The following PYROXD2 variants were observed in gnomAD, a reference collection of about 807,000 sequenced individuals.
PYROXD2 encodes pyridine nucleotide-disulfide oxidoreductase domain-containing protein 2.
PYROXD2 carries 69 observed loss-of-function variants against 71.1 expected under a neutral mutation model. The ratio of observed to expected loss-of-function variants is 0.97; its 90% CI spans 0.80 to 1.19. PYROXD2 has a LOEUF of 1.19. Ranked by LOEUF, PYROXD2 falls within the 50% of genes most tolerant of loss-of-function variation. The pLI is 0.00. For synonymous variants in PYROXD2, 287 were observed against 302.7 expected, an observed-to-expected ratio of 0.95 and a Z score of 0.54; for missense variants, 745 against 748.9, an observed-to-expected ratio of 0.99 and a Z score of 0.06.
At chr10:98,413,424 T>G (rs1287825424) in intron 1 of PYROXD2, among the ~76,000 whole-genome samples, 1 of 152,214 alleles carries the variant, frequency 6.6e-6, no homozygotes, top group Non-Finnish European at 1.5e-5. Context: ...TCCTGTCATT[T>G]AAAGAAGGAG....
intron 2 of PYROXD2, among the ~76,000 whole-genome samples, chr10:98,409,637 G>A (rs996506831): frequency 6.6e-6 from 1 of 152,214 alleles, no homozygotes; most frequent in Non-Finnish European, 1.5e-5. Flanking sequence ...GCATGTGCCA[G>A]GTCCTAGCAG....
rs975493639 is a variant in PYROXD2, at chr10:98,392,365, A to C, written c.1062+67T>G. On this transcript the variant is annotated intron_variant, in intron 10 of 15. Coordinates refer to ENST00000370575, the MANE Select transcript of PYROXD2 (RefSeq NM_032709.3). ...CCCTGATGCAATCCTGGCTCCCTCA[A>C]TCCCCACGATTTCTAACCCCTGTTT... 1.4e-4 allele frequency: 228 copies of C among 1,576,470 alleles called. No individual in the cohort carries two copies. In the Middle Eastern group the frequency reaches 2.0e-3, roughly 14 times the overall value.
rs1477793132 is a variant in PYROXD2 at position 98,387,307 on chromosome 10, A to G, written c.1448T>C (p.Val483Ala). The change falls in exon 14 of 16, where the codon GTG (valine) becomes GCG (alanine). Residue 483 changes from valine to alanine, a missense_variant and splice_region_variant. By Grantham distance (64) the Val-to-Ala change is moderately conservative. Coordinates refer to ENST00000370575, the MANE Select transcript of PYROXD2 (RefSeq NM_032709.3). ...GGCATAGACCTCGATGCAATCAAACACTGGGGTGCCAAAAACAGAGAAATG... is the reference window on the plus strand; with the variant it reads ...GGCATAGACCTCGATGCAATCAAACGCTGGGGTGCCAAAAACAGAGAAATG... Reference protein sequence around the residue: ...EQERDAYADRVFDCIEVYAPG... With the variant: ...EQERDAYADRAFDCIEVYAPG... 2.5e-6 allele frequency: 4 copies of G among 1,610,380 alleles called. No homozygotes were observed. The highest frequency in any genetic ancestry group is 3.4e-6 in the Non-Finnish European group (4 of 1,176,840).
chr10:98,410,071 T>C (rs1843734421), intron 2 of PYROXD2, among the ~76,000 whole-genome samples: 1 of 146,980 alleles, frequency 6.8e-6, no homozygotes, highest in South Asian at 2.3e-4. Flanking sequence ...AGAGCAAAAC[T>C]CCGTCTCAAA....
chr10:98,401,253 C>CAAAAAAAAAAAA (rs751517406), intron 4 of PYROXD2, among the ~76,000 whole-genome samples: 4 of 45,578 alleles, frequency 8.8e-5, no homozygotes, highest in African/African-American at 2.2e-4. Flanking sequence ...GACTCTGTCT[C>CAAAAAAAAAAAA]AAAAAAAAAA....
At chr10:98,384,690 T>C (rs952278288) in intron 15 of PYROXD2, among the ~76,000 whole-genome samples, 1 of 152,180 alleles carries the variant, frequency 6.6e-6, no homozygotes. Context: ...GTGAGATGCC[T>C]CCACCAGGAT....
intron 10 of PYROXD2, 75 bp downstream of exon 10, chr10:98,392,357 C>A: frequency 6.4e-7 from 1 of 1,565,592 alleles, no homozygotes; most frequent in South Asian, 1.2e-5. Flanking sequence ...GCAATCCTGG[C>A]TCCCTCAATC....
chr10:98,390,487 A>T, intron 12 of PYROXD2, 111 bp downstream of exon 12: 1 of 1,267,790 alleles, frequency 7.9e-7, no homozygotes, highest in Non-Finnish European at 1.1e-6. Flanking sequence ...ATCCTAAGTC[A>T]CTGTGAAGGT....
chr10:98,389,319 A>G (rs1167014825), intron 12 of PYROXD2, among the ~76,000 whole-genome samples: 1 of 151,952 alleles, frequency 6.6e-6, no homozygotes, highest in Non-Finnish European at 1.5e-5. Context: ...CCAGTCTTCC[A>G]ACACTTCTCA....
At chr10:98,414,062 CAT>C (rs200311255) in intron 1 of PYROXD2, 2 of 151,912 alleles carry the variant, frequency 1.3e-5, no homozygotes, top group South Asian at 2.1e-4. Context: ...AACACATATA[CAT>C]ATATATACAC....
chr10:98,411,355 A>T, intron 1 of PYROXD2: 1 of 234,898 alleles, frequency 4.3e-6, no homozygotes, highest in South Asian at 7.6e-5. Flanking sequence ...TGCTGCGCCA[A>T]CGTCCCGTCT....
chr10:98,393,167 T>C, intron 8 of PYROXD2, 84 bp from the exon 9 acceptor site: 1 of 1,111,758 alleles, frequency 9.0e-7, no homozygotes, highest in Non-Finnish European at 1.2e-6. Flanking sequence ...CTTTCCATCT[T>C]GATCTTCAGC....
chr10:98,387,578 C>T (rs879283551), intron 13 of PYROXD2, among the ~76,000 whole-genome samples: 19 of 151,980 alleles, frequency 1.3e-4, no homozygotes, highest in Non-Finnish European at 2.5e-4. Context: ...CTGCTGATCT[C>T]CTTTTGCATA....
Position 98,391,035 on chromosome 10 carries a change from G to C in PYROXD2, c.1110C>G (p.Thr370=), listed in dbSNP as rs748713624. ...EFLERISQLD[T]RSPVTKINVA... is the part of the protein sequence containing the mutation. ...CATTGATCTTGGTGACAGGCGACCG[G>C]GTGTCCAGCTGAGAGATTCTCTCCA... Residue 370 remains threonine, a synonymous_variant, in exon 11 of 16, where the codon ACC becomes ACG. Transcript: ENST00000370575. 1 of 1,613,264 alleles carries C rather than the reference G, an allele frequency of 6.2e-7. No homozygotes were observed. Among genetic ancestry groups the C allele is most frequent in the South Asian group, 1.1e-5 (1 of 91,046 alleles).
intron 1 of PYROXD2, chr10:98,414,709 T>C (rs138562187): frequency 1.6e-5 from 5 of 316,736 alleles, no homozygotes; most frequent in African/African-American, 6.4e-5. Context: ...TTGCAAGAGA[T>C]ATAGGGAAAC....
At chr10:98,410,149 G>C (rs6584198) in intron 2 of PYROXD2, among the ~76,000 whole-genome samples, 54,984 of 151,988 alleles carry the variant, frequency 0.36, 11,092 homozygotes, top group African/African-American at 0.53. Context: ...ACAAAATGCC[G>C]CACGTAAAAT....
rs1842827498 is a variant in PYROXD2, at chr10:98,388,367, A to G, written c.1434T>C (p.Ala478=). 1.2e-6 allele frequency: 2 copies of G among 1,613,692 alleles called. No individual in the cohort carries two copies. The highest frequency in any genetic ancestry group is 1.7e-6 in the Non-Finnish European group (2 of 1,179,942). The change falls in exon 13 of 16, where the codon GCT becomes GCC. Residue 478 remains alanine (A), a synonymous_variant. Transcript: ENST00000370575. ...GKAWDEQERD[A]YADRVFDCIE... is the part of the protein sequence containing the mutation. Reference sequence around the variant, plus strand: ...AGCTGTCTTTACCTCTGTCTGCATAAGCGTCTCTCTCCTGCTCGTCCCAGG... The same window carrying G: ...AGCTGTCTTTACCTCTGTCTGCATAGGCGTCTCTCTCCTGCTCGTCCCAGG...
chr10:98,396,484 G>A (rs542185178), intron 6 of PYROXD2, among the ~76,000 whole-genome samples: 1 of 152,052 alleles, frequency 6.6e-6, no homozygotes, highest in Admixed American at 6.5e-5. Flanking sequence ...TTTTTTCTAG[G>A]ATATAGAGGT....
intron 12 of PYROXD2, 145 bp from the exon 13 acceptor site, chr10:98,388,653 C>G (rs987935367): frequency 1.9e-5 from 18 of 968,470 alleles, no homozygotes; most frequent in Non-Finnish European, 2.3e-5. Flanking sequence ...GGTTGTCCAC[C>G]TGCACGGGCT....
Sources: allele counts gnomAD v4.1 joint callset (sites outside exome capture counted in the v4.1 genomes callset), GRCh38; gene constraint gnomAD v4.1.1; transcripts MANE v1.5; gene names NCBI Gene and HGNC (gene_info 2026-07-23, HGNC 2026-07-21).